Variants in RNF212 observed in about 807,000 individuals in gnomAD.
RNF212 encodes ring finger protein 212, also known as probable E3 SUMO-protein ligase RNF212.
RNF212 carries 33 observed loss-of-function variants against 34.7 expected under a neutral mutation model. The observed-to-expected ratio is 0.95, with a 90% CI of 0.72 to 1.27. The LOEUF is 1.27. RNF212 is among the 50% of genes most tolerant of loss of function. RNF212 has a pLI of 0.00. For missense variants in RNF212, 377 were observed against 362.2 expected (o/e 1.04, Z -0.33); for synonymous variants, 140 against 136.1 (o/e 1.03, Z -0.20).
intron 4 of RNF212, among the ~76,000 whole-genome samples, chr4:1,089,722 C>T (rs1721883790): frequency 6.6e-6 from 1 of 152,102 alleles, no homozygotes; most frequent in Non-Finnish European, 1.5e-5. Flanking sequence ...GGGGCAGTTT[C>T]CCCCGTGCTG....
downstream of RNF212, among the ~76,000 whole-genome samples, chr4:1,070,682 G>A (rs1718416078): frequency 6.6e-6 from 1 of 152,218 alleles, no homozygotes; most frequent in South Asian, 2.1e-4. Context: ...TTGTAGGACT[G>A]TGCTGTGTCA....
intron 2 of RNF212, among the ~76,000 whole-genome samples, chr4:1,104,993 A>T (rs1459755847): frequency 6.6e-6 from 1 of 151,822 alleles, no homozygotes; most frequent in Non-Finnish European, 1.5e-5. Flanking sequence ...CTTCTGGAGG[A>T]GCTCTCTTGT....
At chr4:1,097,303 T>G (rs1723210081) in intron 2 of RNF212, among the ~76,000 whole-genome samples, 1 of 152,110 alleles carries the variant, frequency 6.6e-6, no homozygotes, top group Non-Finnish European at 1.5e-5. Flanking sequence ...GGACACAGGT[T>G]TAAGAAACAG....
chr4:1,056,453 A>C (rs1470463285), exon 5 of RNF212: 1 of 959,640 alleles, frequency 1.0e-6, no homozygotes, highest in African/African-American at 1.8e-5. Context: ...GAGGCATGGA[A>C]GTCGCGGTAA....
intron 7 of RNF212, 120 bp downstream of exon 7, chr4:1,081,299 T>A: frequency 1.2e-6 from 1 of 802,294 alleles, no homozygotes; most frequent in South Asian, 1.4e-5. Context: ...TCATGTCCAG[T>A]CAACTGTATG....
intron 3 of RNF212, among the ~76,000 whole-genome samples, chr4:1,092,318 G>A (rs1368746619): frequency 1.3e-5 from 2 of 152,210 alleles, no homozygotes; most frequent in African/African-American, 4.8e-5. Flanking sequence ...GGGCTGCAGG[G>A]AAAGTCTCCA....
Position 1,081,560 on chromosome 4 carries a change from T to C in RNF212, c.415+7A>G. On this transcript the variant is annotated splice_region_variant and intron_variant, in intron 6 of 9. Transcript: ENST00000433731. ...TTTTGTTCTCTTTCTGGCATGATTTTACTTACTTGAAACTGAACTTTTTAT... is the reference window on the plus strand; with the variant it reads ...TTTTGTTCTCTTTCTGGCATGATTTCACTTACTTGAAACTGAACTTTTTAT... 6.2e-7 allele frequency: 1 copy of C among 1,610,388 alleles called. No homozygotes were observed. The highest frequency in any genetic ancestry group is 8.5e-7 in the Non-Finnish European group (1 of 1,176,662).
At chr4:1,105,382 C>T (rs1232153962) in intron 2 of RNF212, among the ~76,000 whole-genome samples, 1 of 152,218 alleles carries the variant, frequency 6.6e-6, no homozygotes, top group Non-Finnish European at 1.5e-5. Context: ...CATCCACCAC[C>T]CAACCAATAC....
downstream of RNF212, among the ~76,000 whole-genome samples, chr4:1,069,259 A>G (rs1718287502): frequency 6.6e-6 from 1 of 152,214 alleles, no homozygotes; most frequent in Non-Finnish European, 1.5e-5. Flanking sequence ...ATTAGTGAAT[A>G]CATAGATACC....
intron 1 of RNF212, among the ~76,000 whole-genome samples, chr4:1,112,595 G>C (rs1725863810): frequency 6.6e-6 from 1 of 151,862 alleles, no homozygotes; most frequent in African/African-American, 2.4e-5. Context: ...TAAGGTTGCC[G>C]CCTGCCCGCT....
chr4:1,057,069 A>T (rs976557315), intron 4 of RNF212: 5 of 813,708 alleles, frequency 6.1e-6, no homozygotes, highest in Non-Finnish European at 4.5e-6. Context: ...CGGTAGTTAC[A>T]GCACTGGCCG....
intron 3 of RNF212, 95 bp from the exon 4 acceptor site, chr4:1,090,933 G>T: frequency 1.3e-6 from 1 of 788,104 alleles, no homozygotes. Flanking sequence ...GGACTCTCAG[G>T]AGAGCTCACA....
At chr4:1,093,344 A>T in intron 3 of RNF212, 1 of 1,098,618 alleles carries the variant, frequency 9.1e-7, no homozygotes, top group Non-Finnish European at 1.2e-6. Flanking sequence ...ATTTAAAAAT[A>T]ACAATAAATC....
chr4:1,077,948 T>A (rs145249080), intron 8 of RNF212, among the ~76,000 whole-genome samples: 1,724 of 152,280 alleles, frequency 0.011, 10 homozygotes, highest in Non-Finnish European at 0.019. Context: ...AGAGGATGCG[T>A]GTGCTTGACC....
chr4:1,061,649 C>T (rs1479326856), intron 3 of RNF212, among the ~76,000 whole-genome samples: 2 of 152,140 alleles, frequency 1.3e-5, no homozygotes, highest in East Asian at 1.9e-4. Context: ...GACAGAGCAG[C>T]GGCCAACCGC....
rs1422034522 is a variant in RNF212 at position 1,113,555 on chromosome 4, G to A, written c.-91C>T. On this transcript the variant is annotated 5_prime_UTR_variant, in exon 1 of 10. Coordinates refer to ENST00000433731, the MANE Select transcript of RNF212 (RefSeq NM_001131034.4). ...CTCCCCGCGCAGGGCCCGAAGGCGG[G>A]CAGCTCTGCGCCTGCGCAAAGTCGA... 7 of 1,038,222 alleles carry A rather than the reference G, an allele frequency of 6.7e-6. No homozygotes were observed. The highest frequency in any genetic ancestry group is 9.7e-6 in the Non-Finnish European group (7 of 725,196). The allele number at this position is 1,038,222 out of a possible 1,614,324, so 64.3% of individuals were successfully genotyped here. A position where few individuals can be genotyped will look rare whatever the true frequency, so the allele number is the denominator to read the frequency against.
Position 1,072,928 on chromosome 4 carries a change from G to T in RNF212, c.840C>A (p.Pro280=). ...AEGTLDTFRT[P]AVSVVFPLCQ... ...AAAGAGGAAACACAACAGACACAGC[G>T]GGTGTTCTGAACGTGTCCAGGGTGC... The change falls in exon 10 of 10, where the codon CCC becomes CCA. Residue 280 remains proline (P), a synonymous_variant. Transcript: ENST00000433731. 1 of 1,613,748 alleles carries T rather than the reference G, an allele frequency of 6.2e-7. No individual in the cohort carries two copies. Among genetic ancestry groups the T allele is most frequent in the Non-Finnish European group, 8.5e-7 (1 of 1,179,736 alleles).
At chr4:1,104,832 A>C (rs879762006) in intron 2 of RNF212, among the ~76,000 whole-genome samples, 1 of 152,128 alleles carries the variant, frequency 6.6e-6, no homozygotes, top group Non-Finnish European at 1.5e-5. Context: ...ATGACCTGAC[A>C]TCTAATGGCG....
intron 3 of RNF212, 71 bp from the exon 4 acceptor site, chr4:1,090,909 G>A: frequency 3.3e-6 from 3 of 902,242 alleles, no homozygotes; most frequent in African/African-American, 1.6e-5. Flanking sequence ...TGTTGGGGGA[G>A]GAGGAGGCTG....
Sources: gnomAD v4.1 joint callset for allele counts (sites outside exome capture counted in the v4.1 genomes callset) on GRCh38, gnomAD v4.1.1 for gene constraint, MANE v1.5 for transcripts, NCBI Gene and HGNC (gene_info 2026-07-23, HGNC 2026-07-21) for gene names.